The following ABTB3 variants were observed in gnomAD, a reference collection of about 807,000 sequenced individuals.
ABTB3 encodes ankyrin repeat- and BTB/POZ domain-containing protein 3.
chr12:107,436,953 C>A, the ABTB3 span, among the ~76,000 whole-genome samples: 2 of 151,872 alleles, frequency 1.3e-5, no homozygotes, highest in African/African-American at 2.4e-5. Context: ...CTTCTGCATC[C>A]CCCCCCGCCG....
the ABTB3 span, among the ~76,000 whole-genome samples, chr12:107,421,423 G>T: frequency 6.6e-6 from 1 of 152,198 alleles, no homozygotes; most frequent in Admixed American, 6.5e-5. Flanking sequence ...ATTGGTGCCA[G>T]AAGGGAGCAC....
chr12:107,350,429 G>T, the ABTB3 span, among the ~76,000 whole-genome samples: 2 of 152,028 alleles, frequency 1.3e-5, no homozygotes, highest in East Asian at 1.9e-4. Context: ...GGGGGGCGCC[G>T]GTAGTCCCAG....
the ABTB3 span, chr12:107,319,942 T>TCAC: frequency 6.4e-7 from 1 of 1,552,920 alleles, no homozygotes; most frequent in Non-Finnish European, 8.7e-7. Flanking sequence ...ACCACCACCA[T>TCAC]CACCACCACC....
At chr12:107,521,345 C>T in the ABTB3 span, among the ~76,000 whole-genome samples, 3 of 150,520 alleles carry the variant, frequency 2.0e-5, no homozygotes, top group Non-Finnish European at 4.4e-5. Context: ...GTGATTTTTG[C>T]AGAGGTGTTC....
chr12:107,351,772 C>T, the ABTB3 span, among the ~76,000 whole-genome samples: 2 of 152,158 alleles, frequency 1.3e-5, no homozygotes, highest in African/African-American at 4.8e-5. Context: ...TTATAAATGA[C>T]ACAGTCTCAG....
the ABTB3 span, among the ~76,000 whole-genome samples, chr12:107,452,341 G>A: frequency 4.6e-5 from 7 of 151,570 alleles, no homozygotes; most frequent in Admixed American, 3.3e-4. Context: ...CTGAGTAGCT[G>A]GGACACAGGC....
the ABTB3 span, among the ~76,000 whole-genome samples, chr12:107,444,856 G>A: frequency 6.6e-6 from 1 of 152,212 alleles, no homozygotes; most frequent in Non-Finnish European, 1.5e-5. Flanking sequence ...GTGCTGAAGT[G>A]TGAATGAGAG....
the ABTB3 span, among the ~76,000 whole-genome samples, chr12:107,551,987 G>A: frequency 9.2e-5 from 14 of 152,138 alleles, no homozygotes; most frequent in Non-Finnish European, 1.9e-4. Context: ...CCTGACCTCG[G>A]GTGATCCGCC....
the ABTB3 span, among the ~76,000 whole-genome samples, chr12:107,334,941 TGTGA>T: frequency 5.3e-5 from 8 of 152,138 alleles, no homozygotes; most frequent in Non-Finnish European, 1.0e-4. Flanking sequence ...CCCCAAACTC[TGTGA>T]GTATTTCTGT....
the ABTB3 span, among the ~76,000 whole-genome samples, chr12:107,609,579 A>G: frequency 1.3e-5 from 2 of 152,112 alleles, no homozygotes; most frequent in South Asian, 2.1e-4. Flanking sequence ...ATTAACCTCT[A>G]TGTGCTTTGC....
At chr12:107,321,118 T>G in the ABTB3 span, among the ~76,000 whole-genome samples, 1 of 152,188 alleles carries the variant, frequency 6.6e-6, no homozygotes, top group African/African-American at 2.4e-5. Context: ...AACTGGAGAC[T>G]CTAAAGGCGA....
chr12:107,482,907 TTTC>T, the ABTB3 span, among the ~76,000 whole-genome samples: 366 of 139,470 alleles, frequency 2.6e-3, 2 homozygotes, highest in African/African-American at 5.6e-3. Context: ...TCTCTCTCTC[TTTC>T]TTCTTCTTTC....
the ABTB3 span, chr12:107,319,123 C>A: frequency 6.2e-7 from 1 of 1,606,286 alleles, no homozygotes. Context: ...CCATGCACAG[C>A]CGGCACAACA....
At chr12:107,544,525 C>A in the ABTB3 span, among the ~76,000 whole-genome samples, 1 of 152,160 alleles carries the variant, frequency 6.6e-6, no homozygotes, top group Non-Finnish European at 1.5e-5. Flanking sequence ...TAACCAGAAG[C>A]ACCTACTCAG....
the ABTB3 span, among the ~76,000 whole-genome samples, chr12:107,645,693 TA>T: frequency 3.3e-5 from 5 of 152,184 alleles, no homozygotes; most frequent in African/African-American, 4.8e-5. Context: ...GAGGTTCCTG[TA>T]ATAAGAACTT....
chr12:107,635,444 G>A, the ABTB3 span: 1 of 1,545,134 alleles, frequency 6.5e-7, no homozygotes, highest in Non-Finnish European at 8.9e-7. Context: ...TTAAGGACGA[G>A]GAGCCAAAGA....
the ABTB3 span, among the ~76,000 whole-genome samples, chr12:107,456,069 G>A: frequency 1.3e-5 from 2 of 152,194 alleles, no homozygotes; most frequent in Admixed American, 1.3e-4. Context: ...GAATACAAAT[G>A]TATCATAAAT....
At chr12:107,319,826 G>T in the ABTB3 span, 1 of 1,259,334 alleles carries the variant, frequency 7.9e-7, no homozygotes, top group South Asian at 2.1e-5. Flanking sequence ...GGGAGGAGCG[G>T]CGAGCGGCGG....
chr12:107,453,221 G>T, the ABTB3 span, among the ~76,000 whole-genome samples: 1 of 152,206 alleles, frequency 6.6e-6, no homozygotes, highest in Non-Finnish European at 1.5e-5. Flanking sequence ...CCTGAGGTTG[G>T]AGGCCAAGGT....
Sources: gnomAD v4.1 joint callset for allele counts (sites outside exome capture counted in the v4.1 genomes callset) on GRCh38, gnomAD v4.1.1 for gene constraint, MANE v1.5 for transcripts, NCBI Gene and HGNC (gene_info 2026-07-23, HGNC 2026-07-21) for gene names.